The following TMOD3 variants were observed in gnomAD, a reference collection of about 807,000 sequenced individuals.
TMOD3 encodes tropomodulin 3, also known as tropomodulin-3.
In TMOD3, 20 loss-of-function variants were observed where a neutral mutation model predicts 39.2. That is an observed-to-expected ratio of 0.51 (90% confidence interval 0.36 to 0.74). The LOEUF is 0.74. Among genes scored for constraint, TMOD3 ranks in the 30% least tolerant of loss-of-function variants. The probability of loss-of-function intolerance (pLI) is 0.00; values close to 1 mark genes in which losing one functional copy is unlikely to be tolerated. For missense variants in TMOD3, 381 were observed against 412.8 expected, an observed-to-expected ratio of 0.92 and a Z score of 0.67; for synonymous variants, 143 against 145.8, an observed-to-expected ratio of 0.98 and a Z score of 0.14.
chr15:51,902,167 CT>C, intron 9 of TMOD3, 131 bp downstream of exon 9: 1 of 987,844 alleles, frequency 1.0e-6, no homozygotes, highest in Non-Finnish European at 1.5e-6. Flanking sequence ...CTGCATGGTC[CT>C]TTATATACTG....
At chr15:51,834,669 A>T (rs1006783134) in intron 1 of TMOD3, among the ~76,000 whole-genome samples, 3 of 152,192 alleles carry the variant, frequency 2.0e-5, no homozygotes, top group African/African-American at 7.2e-5. Context: ...CATTTCTACT[A>T]AAAATACAAA....
At chr15:51,858,856 G>A (rs2056401629) in intron 1 of TMOD3, among the ~76,000 whole-genome samples, 1 of 152,092 alleles carries the variant, frequency 6.6e-6, no homozygotes, top group Non-Finnish European at 1.5e-5. Flanking sequence ...TAAATCAGCA[G>A]TTCTCTTTCC....
intron 9 of TMOD3, among the ~76,000 whole-genome samples, 167 bp from the exon 10 acceptor site, chr15:51,908,609 G>GT (rs1286663243): frequency 1.4e-5 from 2 of 146,874 alleles, no homozygotes; most frequent in South Asian, 2.1e-4. Flanking sequence ...TGGGAAGTAG[G>GT]TTGTTTTTTT....
In TMOD3 at chr15:51,903,953, G is replaced by A. The variant is rs140659415; in HGVS notation, c.1024+1917G>A. Among the ~76,000 whole-genome samples, 856 of 152,268 alleles carry A rather than the reference G, an allele frequency of 5.6e-3. 9 individuals carry two copies. The highest frequency in any genetic ancestry group is 0.02 in the African/African-American group (822 of 41,542). On this transcript the variant is annotated intron_variant, in intron 9 of 9. Transcript: ENST00000308580. ...TCTCATTAGTGCGCTACACAGCCACGAGCTACAGATACTGTTGTTCTCCTG... is the reference window on the plus strand; with the variant it reads ...TCTCATTAGTGCGCTACACAGCCACAAGCTACAGATACTGTTGTTCTCCTG...
intron 9 of TMOD3, among the ~76,000 whole-genome samples, chr15:51,902,435 T>C (rs1319423632): frequency 6.6e-6 from 1 of 152,116 alleles, no homozygotes; most frequent in Non-Finnish European, 1.5e-5. Flanking sequence ...TAGAAATATA[T>C]AAAATAGAGA....
chr15:51,834,463 T>C (rs554189022), intron 1 of TMOD3, among the ~76,000 whole-genome samples: 33 of 152,304 alleles, frequency 2.2e-4, no homozygotes, highest in Middle Eastern at 3.4e-3. Context: ...TGTTATGATA[T>C]AAGATAGGAG....
At chr15:51,903,207 A>G (rs2056662015) in intron 9 of TMOD3, among the ~76,000 whole-genome samples, 1 of 152,178 alleles carries the variant, frequency 6.6e-6, no homozygotes, top group South Asian at 2.1e-4. Flanking sequence ...TATGGTTCCT[A>G]TTTAATTGCT....
At chr15:51,844,889 A>G (rs963156154) in intron 1 of TMOD3, among the ~76,000 whole-genome samples, 2 of 152,088 alleles carry the variant, frequency 1.3e-5, no homozygotes, top group African/African-American at 4.8e-5. Context: ...TTTCCCCTCT[A>G]CTACTTAACA....
chr15:51,856,812 C>T (rs1194834830), intron 1 of TMOD3, among the ~76,000 whole-genome samples: 1 of 152,020 alleles, frequency 6.6e-6, no homozygotes, highest in African/African-American at 2.4e-5. Context: ...TGTCATGTGC[C>T]GAATCTGCTG....
At chr15:51,850,366 C>T (rs2056355421) in intron 1 of TMOD3, among the ~76,000 whole-genome samples, 1 of 151,964 alleles carries the variant, frequency 6.6e-6, no homozygotes, top group Non-Finnish European at 1.5e-5. Context: ...GACAGTTTAT[C>T]CATAATAGCA....
chr15:51,860,021 A>G, intron 1 of TMOD3: 1 of 538,130 alleles, frequency 1.9e-6, no homozygotes. Context: ...CTCCCTTGGC[A>G]GAGTCTTCAC....
At chr15:51,850,768 G>T (rs1217717458) in intron 1 of TMOD3, among the ~76,000 whole-genome samples, 1 of 152,036 alleles carries the variant, frequency 6.6e-6, no homozygotes, top group African/African-American at 2.4e-5. Flanking sequence ...ACGGAGTATT[G>T]CTCTGTCACC....
At chr15:51,841,326 C>T (rs1057402844) in intron 1 of TMOD3, among the ~76,000 whole-genome samples, 7 of 152,198 alleles carry the variant, frequency 4.6e-5, no homozygotes, top group Non-Finnish European at 8.8e-5. Context: ...TTTATTCTAT[C>T]ACTAAAGGTA....
In TMOD3 at chr15:51,880,659, T is replaced by A. The variant is rs1216779396; in HGVS notation, c.284-6930T>A. On this transcript the variant is annotated intron_variant, in intron 3 of 9. Coordinates refer to ENST00000308580, the MANE Select transcript of TMOD3 (RefSeq NM_014547.5). The stretch of plus-strand genomic sequence containing the variant: ...TTCATCTTGTTACAGTGTGTGTCAA[T>A]ACTTCATTCTTTTTTATGGCTGAAT... 2.0e-5 allele frequency among the ~76,000 whole-genome samples: 3 copies of A among 152,246 alleles called. No homozygotes were observed. In the East Asian group the frequency reaches 5.8e-4, roughly 29 times the overall value.
chr15:51,839,808 A>AT (rs2056304639), intron 1 of TMOD3, among the ~76,000 whole-genome samples: 2 of 152,178 alleles, frequency 1.3e-5, no homozygotes, highest in Admixed American at 6.5e-5. Context: ...CAGATTAAAT[A>AT]TTTTTTAAAC....
chr15:51,896,049 A>T (rs2056618924), intron 6 of TMOD3, among the ~76,000 whole-genome samples: 3 of 152,228 alleles, frequency 2.0e-5, no homozygotes, highest in Admixed American at 1.3e-4. Context: ...TAGAGGTTGC[A>T]GTGAGCTGAG....
chr15:51,893,294 CAAAAAAAAAAAAA>C (rs59321162), intron 5 of TMOD3, among the ~76,000 whole-genome samples: 5 of 58,990 alleles, frequency 8.5e-5, no homozygotes, highest in Non-Finnish European at 1.2e-4. Context: ...GACTCCATCT[CAAAAAAAAAAAAA>C]AAAAAAAAAA....
chr15:51,855,386 T>C (rs1343274052), intron 1 of TMOD3, among the ~76,000 whole-genome samples: 1 of 152,180 alleles, frequency 6.6e-6, no homozygotes, highest in African/African-American at 2.4e-5. Flanking sequence ...CACCAGGAGA[T>C]TATGATGCAC....
intron 1 of TMOD3, among the ~76,000 whole-genome samples, chr15:51,830,980 C>T (rs2056252148): frequency 6.6e-6 from 1 of 152,142 alleles, no homozygotes; most frequent in Non-Finnish European, 1.5e-5. Context: ...TTTGAGCTTT[C>T]TTTGCTTTTG....
Sources: allele counts gnomAD v4.1 joint callset (sites outside exome capture counted in the v4.1 genomes callset), GRCh38; gene constraint gnomAD v4.1.1; transcripts MANE v1.5; gene names NCBI Gene and HGNC (gene_info 2026-07-23, HGNC 2026-07-21).